The following L3MBTL4 variants were observed in gnomAD, a reference collection of about 807,000 sequenced individuals.
L3MBTL4 encodes the protein L3MBTL histone methyl-lysine binding protein 4, also known as lethal(3)malignant brain tumor-like protein 4.
L3MBTL4 carries 70 observed loss-of-function variants against 84.5 expected under a neutral mutation model. The ratio of observed to expected loss-of-function variants is 0.83; its 90% CI spans 0.68 to 1.01. The LOEUF is 1.01. Ranked by LOEUF, L3MBTL4 falls within the 50% of genes least tolerant of loss-of-function variation. L3MBTL4 has a pLI of 0.00. For synonymous variants in L3MBTL4, 274 were observed against 259.8 expected (o/e 1.05, Z -0.52); for missense variants, 715 against 754.8 (o/e 0.95, Z 0.62).
intron 1 of L3MBTL4, among the ~76,000 whole-genome samples, chr18:6,345,232 A>G (rs948082431): frequency 8.2e-4 from 102 of 124,656 alleles, no homozygotes; most frequent in African/African-American, 3.4e-3. Context: ...AAAAAAAAAA[A>G]AAAAGAAAAA....
chr18:6,212,646 T>C (rs1230111797), intron 12 of L3MBTL4, among the ~76,000 whole-genome samples: 1 of 152,226 alleles, frequency 6.6e-6, no homozygotes, highest in Non-Finnish European at 1.5e-5. Flanking sequence ...GTTTTAATTG[T>C]TCTTGGTAAG....
intron 14 of L3MBTL4, among the ~76,000 whole-genome samples, chr18:6,121,527 C>A (rs2059526763): frequency 6.6e-6 from 1 of 152,116 alleles, no homozygotes; most frequent in Non-Finnish European, 1.5e-5. Flanking sequence ...ATAACTAAAG[C>A]TTTTATTCCA....
At chr18:6,346,104 A>C (rs2052889492) in intron 1 of L3MBTL4, among the ~76,000 whole-genome samples, 1 of 43,074 alleles carries the variant, frequency 2.3e-5, no homozygotes, top group Non-Finnish European at 3.7e-5. Flanking sequence ...TGATGTTGGA[A>C]TATATATATA....
chr18:5,969,583 G>A, intron 16 of L3MBTL4, 21 bp from the exon 17 acceptor site: 1 of 1,573,176 alleles, frequency 6.4e-7, no homozygotes, highest in Non-Finnish European at 8.6e-7. Context: ...GGTGGGGTGG[G>A]GTGAGGCTCA....
chr18:6,301,832 A>G, intron 4 of L3MBTL4, 71 bp downstream of exon 4: 1 of 1,067,230 alleles, frequency 9.4e-7, no homozygotes, highest in Non-Finnish European at 1.5e-6. Context: ...AAAACAACTA[A>G]GCAATCTAAT....
chr18:6,039,709 T>G (rs990996379), intron 16 of L3MBTL4, among the ~76,000 whole-genome samples: 2 of 152,208 alleles, frequency 1.3e-5, no homozygotes, highest in African/African-American at 2.4e-5. Context: ...TATCTCAAAG[T>G]CCCTTCATGC....
At position 6,171,821 on chromosome 18, in the gene L3MBTL4, T is replaced by G. The variant is rs1235666273; in HGVS notation, c.1096+7A>C. 3 of 1,497,542 alleles carry G rather than the reference T, an allele frequency of 2.0e-6. No homozygotes were observed. Among genetic ancestry groups the G allele is most frequent in the Non-Finnish European group, 2.7e-6 (3 of 1,101,726 alleles). The allele number at this position is 1,497,542 out of a possible 1,614,324, so 92.8% of individuals were successfully genotyped here. A position where few individuals can be genotyped will look rare whatever the true frequency, so the allele number is the denominator to read the frequency against. ...TAAAAAGCAACAACAAAGAGCAAAG[T>G]ACTCACGCTGTGGCACTTCCAGTGG... On this transcript the variant is annotated splice_region_variant and intron_variant, in intron 13 of 18. Transcript: ENST00000317931.
At chr18:6,279,031 T>C (rs1164979363) in intron 4 of L3MBTL4, among the ~76,000 whole-genome samples, 3 of 151,768 alleles carry the variant, frequency 2.0e-5, no homozygotes, top group Non-Finnish European at 4.4e-5. Context: ...GCAGGGGCGG[T>C]GATTTGATAA....
At position 6,171,926 on chromosome 18, in the gene L3MBTL4, C is replaced by A. The variant is rs200390312; in HGVS notation, c.998G>T (p.Trp333Leu). 5.2e-6 allele frequency: 8 copies of A among 1,547,364 alleles called. No homozygotes were observed. The East Asian group carries it at 1.9e-4, about 37-fold the overall frequency. ...CACCCAGTAGTCATACTTATGGTCC[C>A]AACCATCAAAATGAACCTGTTAAAA... ...DQRVKVHFDG[W>L]DHKYDYWVEA... Residue 333 changes from tryptophan to leucine, a missense_variant, in exon 13 of 19, where the codon TGG becomes TTG. By Grantham distance (61) the Trp-to-Leu change is moderately conservative. Coordinates refer to ENST00000317931, the MANE Select transcript of L3MBTL4 (RefSeq NM_001330559.2).
At position 6,040,729 on chromosome 18, in the gene L3MBTL4, T is replaced by C. The variant is rs140866422; in HGVS notation, c.1444+40152A>G. Among the ~76,000 whole-genome samples, 392 of 152,202 alleles carry C rather than the reference T, an allele frequency of 2.6e-3. 1 individual carries two copies. The highest frequency in any genetic ancestry group is 8.9e-3 in the African/African-American group (370 of 41,532). ...CAAGGTTTATGAAAAGAACCTACAT[T>C]AGTCCTAGTCTGAGAAAGAGAGACA... is the stretch of plus-strand genomic sequence containing the variant. On this transcript the variant is annotated intron_variant, in intron 16 of 18. Coordinates refer to ENST00000317931, the MANE Select transcript of L3MBTL4 (RefSeq NM_001330559.2).
At chr18:6,317,256 T>C (rs2051154861) in intron 1 of L3MBTL4, among the ~76,000 whole-genome samples, 2 of 151,926 alleles carry the variant, frequency 1.3e-5, no homozygotes, top group Non-Finnish European at 2.9e-5. Flanking sequence ...GTAAGTCACA[T>C]CCTTCTGAAA....
intron 13 of L3MBTL4, among the ~76,000 whole-genome samples, chr18:6,167,643 G>A (rs912090232): frequency 2.6e-5 from 4 of 152,036 alleles, no homozygotes; most frequent in Non-Finnish European, 5.9e-5. Flanking sequence ...CATGCTAAAA[G>A]CTCTCAATAA....
At chr18:6,312,305 C>A (rs964641535) in intron 1 of L3MBTL4, among the ~76,000 whole-genome samples, 2 of 152,044 alleles carry the variant, frequency 1.3e-5, no homozygotes, top group African/African-American at 4.8e-5. Flanking sequence ...TTTTAATAGC[C>A]CTAAATCATC....
At chr18:6,207,142 G>A (rs914221306) in intron 12 of L3MBTL4, among the ~76,000 whole-genome samples, 2 of 152,168 alleles carry the variant, frequency 1.3e-5, no homozygotes, top group African/African-American at 2.4e-5. Context: ...TATGTGTGAT[G>A]CAAATTTCAG....
intron 1 of L3MBTL4, among the ~76,000 whole-genome samples, chr18:6,382,718 G>A (rs1243069684): frequency 2.6e-5 from 4 of 152,186 alleles, no homozygotes; most frequent in Non-Finnish European, 5.9e-5. Flanking sequence ...CCAGATGTCA[G>A]CCAGAGCTCT....
At chr18:6,076,043 G>A (rs1005561154) in intron 16 of L3MBTL4, among the ~76,000 whole-genome samples, 13 of 152,136 alleles carry the variant, frequency 8.5e-5, no homozygotes, top group Non-Finnish European at 1.5e-5. Context: ...TGTGCTGGTA[G>A]GAACATCCTG....
chr18:6,227,464 T>C (rs566964157), intron 10 of L3MBTL4, among the ~76,000 whole-genome samples: 6 of 152,268 alleles, frequency 3.9e-5, no homozygotes, highest in African/African-American at 1.2e-4. Context: ...ATTAGCAAAA[T>C]TGAATTCATA....
At chr18:6,121,749 T>A (rs1284458693) in intron 14 of L3MBTL4, among the ~76,000 whole-genome samples, 1 of 150,906 alleles carries the variant, frequency 6.6e-6, no homozygotes, top group African/African-American at 2.4e-5. Flanking sequence ...TATTTTGGAG[T>A]TGGGAATCAA....
chr18:6,312,529 A>C (rs2050885922), intron 1 of L3MBTL4, among the ~76,000 whole-genome samples: 1 of 152,020 alleles, frequency 6.6e-6, no homozygotes, highest in African/African-American at 2.4e-5. Flanking sequence ...CAGACTGTAC[A>C]CCACCCAAGA....
Sources: allele counts gnomAD v4.1 joint callset (sites outside exome capture counted in the v4.1 genomes callset), GRCh38; gene constraint gnomAD v4.1.1; transcripts MANE v1.5; gene names NCBI Gene and HGNC (gene_info 2026-07-23, HGNC 2026-07-21).